Variants in HMGB1 observed in about 807,000 individuals in gnomAD.
HMGB1 encodes the protein high mobility group protein B1.
For synonymous variants in HMGB1, 81 were observed against 84.0 expected (o/e 0.96, Z 0.19); for missense variants, 79 against 253.5 (o/e 0.31, Z 4.67).
chr13:30,601,000 G>T (rs187590156), intron 1 of HMGB1, among the ~76,000 whole-genome samples: 1 of 152,256 alleles, frequency 6.6e-6, no homozygotes, highest in East Asian at 1.9e-4. Flanking sequence ...ATCCACAAAA[G>T]AAGTAAAAAT....
chr13:30,456,771 G>GT lies in HMGB1; in HGVS notation c.*4585_*4586insA, dbSNP rs1401659928. 2.1e-5 allele frequency: 2 copies of GT among 93,246 alleles called. No individual in the cohort carries two copies. The highest frequency in any genetic ancestry group is 4.3e-5 in the Non-Finnish European group (2 of 46,576). 5.8% of individuals were successfully genotyped at this position (93,246 alleles called of 1,614,324 possible). A position where few individuals can be genotyped will look rare whatever the true frequency, so the allele number is the denominator to read the frequency against. On this transcript the variant is annotated 3_prime_UTR_variant, in exon 5 of 5. Coordinates refer to ENST00000341423, the MANE Select transcript of HMGB1 (RefSeq NM_002128.7). ...ACAGCTTTTGTGGGCGGGGGGGGGG[G>GT]GTGGTGGGGTGCAATTTATCAACAT... is the stretch of plus-strand genomic sequence containing the variant.
upstream of HMGB1, among the ~76,000 whole-genome samples, chr13:30,468,367 G>A (rs9508751): frequency 0.4 from 61,383 of 151,996 alleles, 14,188 homozygotes; most frequent in East Asian, 0.73. Flanking sequence ...CGATTCTTCT[G>A]CCTCAGCCTC....
chr13:30,571,139 C>T (rs1870403798), intron 1 of HMGB1, among the ~76,000 whole-genome samples: 1 of 152,050 alleles, frequency 6.6e-6, no homozygotes, highest in South Asian at 2.1e-4. Context: ...TAGGAATGCA[C>T]AATCACAAGA....
intron 1 of HMGB1, among the ~76,000 whole-genome samples, chr13:30,608,129 T>C (rs376923624): frequency 3.9e-5 from 6 of 152,224 alleles, no homozygotes; most frequent in African/African-American, 1.4e-4. Flanking sequence ...CCAGGTGTCA[T>C]TTTGTGAAGA....
intron 1 of HMGB1, among the ~76,000 whole-genome samples, chr13:30,595,698 C>T (rs571018247): frequency 6.6e-6 from 1 of 152,282 alleles, no homozygotes; most frequent in African/African-American, 2.4e-5. Flanking sequence ...GCTTTGAGGG[C>T]TGCACGATCC....
Position 30,459,224 on chromosome 13 carries a change from A to G in HMGB1, c.*2133T>C, listed in dbSNP as rs1052711290. On this transcript the variant is annotated 3_prime_UTR_variant, in exon 5 of 5. Coordinates refer to ENST00000341423, the MANE Select transcript of HMGB1 (RefSeq NM_002128.7). ...CATTTACTTGAGTTTTAGACATCCAACTTCTAGGGGATACTGTTAGAACAC... is the reference window on the plus strand; with the variant it reads ...CATTTACTTGAGTTTTAGACATCCAGCTTCTAGGGGATACTGTTAGAACAC... 5.3e-5 allele frequency: 8 copies of G among 152,168 alleles called. No homozygotes were observed. The highest frequency in any genetic ancestry group is 1.2e-4 in the Non-Finnish European group (8 of 68,016). 9.4% of individuals were successfully genotyped at this position (152,168 alleles called of 1,614,324 possible).
At chr13:30,524,857 C>T (rs1169432302) in intron 1 of HMGB1, among the ~76,000 whole-genome samples, 2 of 152,232 alleles carry the variant, frequency 1.3e-5, no homozygotes, top group East Asian at 3.9e-4. Context: ...TTGTATTTCA[C>T]CACAGGCCCC....
intron 1 of HMGB1, among the ~76,000 whole-genome samples, chr13:30,605,574 C>T (rs573869096): frequency 6.6e-6 from 1 of 152,298 alleles, no homozygotes; most frequent in South Asian, 2.1e-4. Flanking sequence ...GAGGCCAATG[C>T]CGACGTGGAA....
At chr13:30,496,358 C>G (rs980489569) in intron 1 of HMGB1, among the ~76,000 whole-genome samples, 8 of 152,218 alleles carry the variant, frequency 5.3e-5, no homozygotes, top group African/African-American at 1.9e-4. Flanking sequence ...AACAACCTGC[C>G]TAGACTCACA....
At chr13:30,528,918 C>A (rs908326635) in intron 1 of HMGB1, among the ~76,000 whole-genome samples, 1 of 150,808 alleles carries the variant, frequency 6.6e-6, no homozygotes, top group South Asian at 2.1e-4. Flanking sequence ...AGTCCCAGCT[C>A]CTTGGTAGGC....
intron 1 of HMGB1, among the ~76,000 whole-genome samples, chr13:30,503,023 G>A (rs1387086121): frequency 1.3e-5 from 2 of 152,012 alleles, no homozygotes; most frequent in Non-Finnish European, 2.9e-5. Context: ...GTGAAGGAGA[G>A]GGATACAAAC....
intron 1 of HMGB1, among the ~76,000 whole-genome samples, chr13:30,616,496 TAGC>T (rs1950564361): frequency 6.6e-6 from 1 of 152,222 alleles, no homozygotes; most frequent in South Asian, 2.1e-4. Context: ...AAAATGGAAG[TAGC>T]AGTGGTGAAC....
intron 1 of HMGB1, chr13:30,464,580 C>CT: frequency 3.1e-6 from 3 of 977,952 alleles, no homozygotes; most frequent in Non-Finnish European, 3.6e-6. Context: ...CCTGCAGGCC[C>CT]GCGCCGCCGC....
At chr13:30,587,773 TCAA>T (rs912740559) in intron 1 of HMGB1, among the ~76,000 whole-genome samples, 6 of 152,328 alleles carry the variant, frequency 3.9e-5, no homozygotes, top group Non-Finnish European at 7.3e-5. Flanking sequence ...CCCATCATTA[TCAA>T]CAACAACATG....
At chr13:30,577,650 A>C (rs1424206345) in intron 1 of HMGB1, among the ~76,000 whole-genome samples, 3 of 152,188 alleles carry the variant, frequency 2.0e-5, no homozygotes, top group Non-Finnish European at 1.5e-5. Flanking sequence ...TCATTCTGCC[A>C]CTGCCTGTGT....
intron 1 of HMGB1, among the ~76,000 whole-genome samples, chr13:30,548,899 G>C (rs951124885): frequency 6.6e-6 from 1 of 152,254 alleles, no homozygotes; most frequent in South Asian, 2.1e-4. Context: ...AGCTGGAAGC[G>C]GTCCCTATTA....
chr13:30,464,266 G>A (rs1297903092), intron 1 of HMGB1: 1 of 985,556 alleles, frequency 1.0e-6, no homozygotes, highest in Non-Finnish European at 1.2e-6. Context: ...GGGTGGCGGT[G>A]CCACCGCGAG....
intron 1 of HMGB1, among the ~76,000 whole-genome samples, chr13:30,479,360 G>A (rs1333572171): frequency 6.6e-6 from 1 of 152,072 alleles, no homozygotes; most frequent in Admixed American, 6.5e-5. Context: ...CTGGACTTCA[G>A]ACTCCTATTC....
chr13:30,464,876 T>C (rs1229979664), intron 1 of HMGB1: 1 of 141,536 alleles, frequency 7.1e-6, no homozygotes, highest in East Asian at 2.5e-4. Context: ...CACTCGGCCA[T>C]TACGGCCGGG....
Sources: allele counts gnomAD v4.1 joint callset (sites outside exome capture counted in the v4.1 genomes callset), GRCh38; gene constraint gnomAD v4.1.1; transcripts MANE v1.5; gene names NCBI Gene and HGNC (gene_info 2026-07-23, HGNC 2026-07-21).